Variants in RYR3 observed in about 807,000 individuals in gnomAD.
RYR3 encodes the protein ryanodine receptor 3.
In RYR3, 207 loss-of-function variants were observed where a neutral mutation model predicts 584.3. The ratio of observed to expected loss-of-function variants is 0.35; its 90% CI spans 0.32 to 0.40. The LOEUF is 0.40. Ranked by LOEUF, RYR3 falls within the 10% of genes least tolerant of loss-of-function variation. The probability of loss-of-function intolerance (pLI) is 1.00; values close to 1 mark genes in which losing one functional copy is unlikely to be tolerated. For missense variants in RYR3, 5,616 were observed against 6,089.2 expected (o/e 0.92, Z 2.59); for synonymous variants, 2,416 against 2,248.5 (o/e 1.07, Z -2.11).
At chr15:33,697,449 C>A (rs2065929181) in intron 39 of RYR3, among the ~76,000 whole-genome samples, 1 of 152,150 alleles carries the variant, frequency 6.6e-6, no homozygotes, top group South Asian at 2.1e-4. Flanking sequence ...GAGTACACAG[C>A]AAATTACCAG....
chr15:33,700,162 TC>T (rs1159215912), intron 41 of RYR3, among the ~76,000 whole-genome samples: 2 of 152,164 alleles, frequency 1.3e-5, no homozygotes, highest in East Asian at 1.9e-4. Flanking sequence ...GCACAGCTCT[TC>T]CCAGCCCACT....
At chr15:33,431,099 G>T (rs1044422055) in intron 1 of RYR3, among the ~76,000 whole-genome samples, 5 of 152,178 alleles carry the variant, frequency 3.3e-5, no homozygotes, top group African/African-American at 1.2e-4. Flanking sequence ...CATTGCTTGT[G>T]GGATTATAAA....
intron 22 of RYR3, 123 bp downstream of exon 22, chr15:33,630,166 A>T: frequency 1.7e-6 from 1 of 590,326 alleles, no homozygotes; most frequent in Middle Eastern, 4.0e-4. Flanking sequence ...ATTAGAGGAG[A>T]TGATGATGAA....
At chr15:33,518,139 C>T (rs2053675132) in intron 3 of RYR3, among the ~76,000 whole-genome samples, 2 of 152,174 alleles carry the variant, frequency 1.3e-5, no homozygotes, top group Non-Finnish European at 2.9e-5. Context: ...GTTTCTCTGG[C>T]ACTTCCTCTC....
intron 31 of RYR3, among the ~76,000 whole-genome samples, chr15:33,651,643 C>A (rs2062473187): frequency 6.6e-6 from 1 of 152,208 alleles, no homozygotes. Context: ...ATTCCAGCAT[C>A]TACCCACCCC....
At chr15:33,349,923 C>T (rs914364313) in intron 1 of RYR3, among the ~76,000 whole-genome samples, 2 of 151,956 alleles carry the variant, frequency 1.3e-5, no homozygotes, top group Admixed American at 1.3e-4. Flanking sequence ...AGGACATGAA[C>T]TTATCATTTT....
intron 1 of RYR3, among the ~76,000 whole-genome samples, chr15:33,378,005 C>CTCCT (rs989863803): frequency 6.6e-6 from 1 of 152,200 alleles, no homozygotes; most frequent in Non-Finnish European, 1.5e-5. Flanking sequence ...TGGTCTTGAA[C>CTCCT]TCCTAGACTC....
intron 27 of RYR3, among the ~76,000 whole-genome samples, chr15:33,637,599 T>A (rs976991657): frequency 6.6e-6 from 1 of 152,196 alleles, no homozygotes; most frequent in Non-Finnish European, 1.5e-5. Flanking sequence ...TTTCTGAGAC[T>A]TTACAGAAAG....
intron 1 of RYR3, among the ~76,000 whole-genome samples, chr15:33,363,025 A>G (rs971727568): frequency 6.6e-6 from 1 of 152,032 alleles, no homozygotes; most frequent in South Asian, 2.1e-4. Flanking sequence ...ATACTTCTTC[A>G]TATCCTCACC....
intron 2 of RYR3, among the ~76,000 whole-genome samples, chr15:33,496,875 A>T (rs920038): frequency 0.63 from 95,194 of 151,914 alleles, 30,232 homozygotes; most frequent in African/African-American, 0.73. Context: ...TTTTTTTGTA[A>T]TGTTTTTATA....
Position 33,671,805 on chromosome 15 carries a change from C to CTTTTTTTTT in RYR3, c.5860+1265_5860+1273dup, listed in dbSNP as rs56206846. Among the ~76,000 whole-genome samples, 385 of 80,206 alleles carry CTTTTTTTTT rather than the reference C, an allele frequency of 4.8e-3. 7 individuals are homozygous for CTTTTTTTTT. The highest frequency in any genetic ancestry group is 8.8e-3 in the East Asian group (25 of 2,846). The allele number at this position is 80,206 out of a possible 152,430, so 52.6% of individuals were successfully genotyped here. Reference sequence around the variant, plus strand: ...GTTGCTTCTTTCCCACCTTCTTTTTCTTTTTTTTTTTTTTTTTTTTTTTTC... The same window carrying CTTTTTTTTT: ...GTTGCTTCTTTCCCACCTTCTTTTTCTTTTTTTTTTTTTTTTTTTTTTTTTTTTTTTTTC... On this transcript the variant is annotated intron_variant, in intron 38 of 103. Transcript: ENST00000634891.
intron 16 of RYR3, among the ~76,000 whole-genome samples, chr15:33,596,600 A>G (rs2059387370): frequency 6.6e-6 from 1 of 152,098 alleles, no homozygotes; most frequent in East Asian, 1.9e-4. Flanking sequence ...TACATATAAT[A>G]TACATGGTAA....
intron 1 of RYR3, among the ~76,000 whole-genome samples, chr15:33,355,499 G>A (rs1016194096): frequency 6.6e-6 from 1 of 152,176 alleles, no homozygotes; most frequent in Non-Finnish European, 1.5e-5. Context: ...TAAGGTGTTT[G>A]TGAAAGCTGA....
At position 33,644,841 on chromosome 15, in the gene RYR3, T is replaced by G. The variant is rs182750584; in HGVS notation, c.3765+322T>G. On this transcript the variant is annotated intron_variant, in intron 28 of 103. Transcript: ENST00000634891. ...TATTCGGAGACCTTAAACTTTTCTG[T>G]TTTTTTTTCTTTTTTTAAGTTCGGG... 1.2e-3 allele frequency among the ~76,000 whole-genome samples: 184 copies of G among 147,654 alleles called. 3 individuals carry two copies. The highest frequency in any genetic ancestry group is 4.5e-3 in the African/African-American group (175 of 38,478).
chr15:33,434,123 C>G (rs1190995598), intron 1 of RYR3, among the ~76,000 whole-genome samples: 1 of 152,208 alleles, frequency 6.6e-6, no homozygotes, highest in African/African-American at 2.4e-5. Context: ...CACACTGGGT[C>G]AATGTCTTCA....
chr15:33,425,359 C>T (rs1170869997), intron 1 of RYR3, among the ~76,000 whole-genome samples: 2 of 152,168 alleles, frequency 1.3e-5, no homozygotes, highest in Non-Finnish European at 2.9e-5. Context: ...GAAATTCTGA[C>T]TCCTCCTGTC....
In RYR3 at chr15:33,820,831, T is replaced by C. The variant is rs1380690141; in HGVS notation, c.10815+19T>C. On this transcript the variant is annotated intron_variant, in intron 78 of 103. Coordinates refer to ENST00000634891, the MANE Select transcript of RYR3 (RefSeq NM_001036.6). ...ATTCGAAGTAAGTTCTCATGAAGAA[T>C]AAAAATAGAGCCACCCTCCAAGGCC... The C allele has an allele frequency of 6.4e-7, 1 of 1,563,530 alleles. No homozygotes were observed. The highest frequency in any genetic ancestry group is 1.9e-5 in the Admixed American group (1 of 53,850).
intron 89 of RYR3, chr15:33,839,681 T>A (rs2078240609): frequency 6.6e-6 from 1 of 152,268 alleles, no homozygotes; most frequent in Non-Finnish European, 1.5e-5. Flanking sequence ...GCTCTGGGAA[T>A]ATGGTGCTGA....
chr15:33,735,742 CCAAA>C (rs2069399657), intron 48 of RYR3, among the ~76,000 whole-genome samples: 2 of 152,122 alleles, frequency 1.3e-5, no homozygotes, highest in South Asian at 4.1e-4. Context: ...AAGCCTTACC[CCAAA>C]CAAATGATTC....
Sources: allele counts gnomAD v4.1 joint callset (sites outside exome capture counted in the v4.1 genomes callset), GRCh38; gene constraint gnomAD v4.1.1; transcripts MANE v1.5; gene names NCBI Gene and HGNC (gene_info 2026-07-23, HGNC 2026-07-21).